Variants in KLHL15 observed in about 807,000 individuals in gnomAD.
KLHL15 encodes kelch-like protein 15.
KLHL15 carries 1 observed loss-of-function variant against 29.3 expected under a neutral mutation model. The ratio of observed to expected loss-of-function variants is 0.03; its 90% confidence interval spans 0.01 to 0.16. The LOEUF (loss-of-function observed/expected upper bound fraction) is 0.16, where lower values mean the gene tolerates loss of function less well. Ranked by LOEUF, KLHL15 falls within the 10% of genes least tolerant of loss-of-function variation. The probability of loss-of-function intolerance (pLI) is 1.00; values close to 1 mark genes in which losing one functional copy is unlikely to be tolerated. For missense variants in KLHL15, 215 were observed against 478.5 expected, an observed-to-expected ratio of 0.45 and a Z score of 5.14; for synonymous variants, 212 against 184.5, an observed-to-expected ratio of 1.15 and a Z score of -1.21.
chrX:24,025,576 T>C (rs1475431806), intron 1 of KLHL15, among the ~76,000 whole-genome samples: 1 of 107,603 alleles, frequency 9.3e-6, no homozygotes, highest in East Asian at 3.0e-4. Flanking sequence ...GGCCCCCCCC[T>C]CGGCCCCTGC....
At chrX:24,024,729 C>T (rs1186934963) in intron 2 of KLHL15, 128 bp downstream of exon 2, 4 of 295,680 alleles carry the variant, frequency 1.4e-5, no homozygotes, top group Non-Finnish European at 1.8e-5. Context: ...CGAAGACAAA[C>T]GAGGTCCCGG....
Position 23,984,199 on chromosome X carries a change from C to T in KLHL15, c.*3722G>A, listed in dbSNP as rs1479154792. 1 of 111,883 alleles carries T rather than the reference C, an allele frequency of 8.9e-6. No individual in the cohort carries two copies. The highest frequency in any genetic ancestry group is 1.9e-5 in the Non-Finnish European group (1 of 53,121). 9.2% of individuals were successfully genotyped at this position (111,883 alleles called of 1,213,427 possible). A position where few individuals can be genotyped will look rare whatever the true frequency, so the allele number is the denominator to read the frequency against. ...GCTGATGGCATTCTCCTCAATGTTACTTGTGTAATATTGAAGTTATACGGT... is the reference window on the plus strand; with the variant it reads ...GCTGATGGCATTCTCCTCAATGTTATTTGTGTAATATTGAAGTTATACGGT... On this transcript the variant is annotated 3_prime_UTR_variant, in exon 4 of 4. Coordinates refer to ENST00000328046, the MANE Select transcript of KLHL15 (RefSeq NM_030624.3).
At position 23,986,815 on chromosome X, in the gene KLHL15, G is replaced by A. The variant is rs1377676577; in HGVS notation, c.*1106C>T. On this transcript the variant is annotated 3_prime_UTR_variant, in exon 4 of 4. Transcript: ENST00000328046. ...TACCTTCCATTCAATAACAAATGCA[G>A]CAGCCTTACTGAATGTAAAAAATGG... 9.0e-6 allele frequency: 1 copy of A among 111,641 alleles called. No individual in the cohort carries two copies. The highest frequency in any genetic ancestry group is 1.9e-5 in the Non-Finnish European group (1 of 53,110). 9.2% of individuals were successfully genotyped at this position (111,641 alleles called of 1,213,427 possible).
rs1159092391 is a variant in KLHL15 at position 24,002,614 on chromosome X, T to G, written c.705+3375A>C. On this transcript the variant is annotated intron_variant, in intron 3 of 3. Transcript: ENST00000328046. ...ATTTCCTAGGCTATGTTTTTTTTTTTTTTTTGGATGGGGTGGGGTAGGGGA... is the reference window on the plus strand; with the variant it reads ...ATTTCCTAGGCTATGTTTTTTTTTTGTTTTTGGATGGGGTGGGGTAGGGGA... Among the ~76,000 whole-genome samples the G allele has an allele frequency of 5.5e-5, 6 of 109,436 alleles. No homozygotes were observed. The East Asian group carries it at 1.4e-3, about 26-fold the overall frequency.
intron 2 of KLHL15, among the ~76,000 whole-genome samples, chrX:24,019,941 T>C (rs979388144): frequency 2.7e-5 from 3 of 112,614 alleles, no homozygotes; most frequent in Non-Finnish European, 5.6e-5. Flanking sequence ...AATAATTTAT[T>C]GCTTTCACAT....
intron 3 of KLHL15, among the ~76,000 whole-genome samples, chrX:23,990,869 C>CA (rs753177942): frequency 3.0e-4 from 33 of 110,175 alleles, no homozygotes; most frequent in Non-Finnish European, 6.1e-4. Flanking sequence ...GTGGTCAAAA[C>CA]AAAAAACGTC....
intron 2 of KLHL15, among the ~76,000 whole-genome samples, chrX:24,021,386 C>T (rs775208402): frequency 3.3e-4 from 37 of 110,979 alleles, no homozygotes; most frequent in Non-Finnish European, 6.6e-4. Context: ...CCTCAAACAC[C>T]CTCTTTTAAA....
chrX:23,987,975 T>C lies in KLHL15; in HGVS notation c.1761A>G (p.Val587=). 8.3e-7 allele frequency: 1 copy of C among 1,211,090 alleles called. No homozygotes were observed. The highest frequency in any genetic ancestry group is 1.1e-6 in the Non-Finnish European group (1 of 894,885). Residue 587 remains valine, a synonymous_variant, in exon 4 of 4, where the codon GTA becomes GTG. Coordinates refer to ENST00000328046, the MANE Select transcript of KLHL15 (RefSeq NM_030624.3). ...RMPCKLDGLQ[V]CNLHFPDYVL... ...CATAGTCCGGAAAATGCAGGTTGCA[T>C]ACTTGTAAACCATCCAGCTTGCAGG...
Position 23,988,409 on chromosome X carries a change from C to T in KLHL15, c.1327G>A (p.Val443Met). 8.3e-7 allele frequency: 1 copy of T among 1,212,009 alleles called. No individual in the cohort carries two copies. The highest frequency in any genetic ancestry group is 1.1e-6 in the Non-Finnish European group (1 of 895,593). The change falls in exon 4 of 4, where the codon GTG becomes ATG. Residue 443 changes from valine (V) to methionine (M), a missense_variant. Transcript: ENST00000328046. ...TCTTTGCTGGGGTCAAACACGCACA[C>T]TTGCTTGGAGGTGGAAGATGAGGTG... Reference protein sequence around the residue: ...GITSSSTSKQVCVFDPSKEGT... With the variant: ...GITSSSTSKQMCVFDPSKEGT...
In KLHL15 at chrX:23,988,770, A is replaced by C. The variant is rs1297896577; in HGVS notation, c.966T>G (p.Leu322=). Residue 322 remains leucine, a synonymous_variant, in exon 4 of 4, where the codon CTT becomes CTG. Transcript: ENST00000328046. Reference sequence around the variant, plus strand: ...GGAACACAAAATTATTGACGATAGCAAGGCAGTCAGGTCGCAGAGGTACTT... The same window carrying C: ...GGAACACAAAATTATTGACGATAGCCAGGCAGTCAGGTCGCAGAGGTACTT... The part of the protein sequence containing the change: ...GPQVPLRPDC[L]AIVNNFVFLL... 4 of 1,210,088 alleles carry C rather than the reference A, an allele frequency of 3.3e-6. No homozygotes were observed. In the African/African-American group the frequency reaches 7.0e-5, roughly 21 times the overall value.
intron 2 of KLHL15, among the ~76,000 whole-genome samples, chrX:24,011,565 A>G (rs1258734300): frequency 9.0e-6 from 1 of 111,721 alleles, no homozygotes; most frequent in Non-Finnish European, 1.9e-5. Context: ...AATTGCTTGA[A>G]CCTGGGAGCT....
At chrX:24,000,457 C>T (rs1366398219) in intron 3 of KLHL15, among the ~76,000 whole-genome samples, 2 of 107,476 alleles carry the variant, frequency 1.9e-5, no homozygotes, top group Non-Finnish European at 3.8e-5. Flanking sequence ...TGTGAGACTC[C>T]ATCTCAAAAT....
chrX:23,986,878 T>G lies in KLHL15; in HGVS notation c.*1043A>C, dbSNP rs1928995608. 9.0e-6 allele frequency: 1 copy of G among 111,467 alleles called. No individual in the cohort carries two copies. Among genetic ancestry groups the G allele is most frequent in the African/African-American group, 3.3e-5 (1 of 30,678 alleles). 9.2% of individuals were successfully genotyped at this position (111,467 alleles called of 1,213,427 possible). A position where few individuals can be genotyped will look rare whatever the true frequency, so the allele number is the denominator to read the frequency against. On this transcript the variant is annotated 3_prime_UTR_variant, in exon 4 of 4. Coordinates refer to ENST00000328046, the MANE Select transcript of KLHL15 (RefSeq NM_030624.3). ...CTTTTAAGGGGCCTTGATTTAGGAG[T>G]CTGGTATTACCTAAATGCTCTTTAA... is the stretch of plus-strand genomic sequence containing the variant.
chrX:23,983,832 A>G lies in KLHL15; in HGVS notation c.*4089T>C, dbSNP rs1237585363. On this transcript the variant is annotated 3_prime_UTR_variant, in exon 4 of 4. Coordinates refer to ENST00000328046, the MANE Select transcript of KLHL15 (RefSeq NM_030624.3). ...AAACATGTTTGAATAGATTATATCC[A>G]CGGCTTGGGAAAAATTACCTGACAA... The G allele has an allele frequency of 8.9e-6, 1 of 112,151 alleles. No homozygotes were observed. The highest frequency in any genetic ancestry group is 2.8e-4 in the East Asian group (1 of 3,626). 9.2% of individuals were successfully genotyped at this position (112,151 alleles called of 1,213,427 possible).
chrX:23,996,599 GT>G (rs966046319), intron 3 of KLHL15, among the ~76,000 whole-genome samples: 6 of 111,327 alleles, frequency 5.4e-5, no homozygotes, highest in Non-Finnish European at 9.4e-5. Flanking sequence ...GGAGGCAGAG[GT>G]TGCAGTGAGC....
At chrX:23,995,407 A>C (rs1929167638) in intron 3 of KLHL15, among the ~76,000 whole-genome samples, 1 of 53,117 alleles carries the variant, frequency 1.9e-5, no homozygotes, top group Admixed American at 2.1e-4. Flanking sequence ...ACTCTGTCTC[A>C]AAAAAAAAAA....
At chrX:24,016,106 T>C (rs1929673245) in intron 2 of KLHL15, among the ~76,000 whole-genome samples, 1 of 108,103 alleles carries the variant, frequency 9.3e-6, no homozygotes, top group African/African-American at 3.4e-5. Context: ...CTCAGCACTT[T>C]GGGAGGCCAA....
At chrX:24,003,630 T>C (rs1929380375) in intron 3 of KLHL15, among the ~76,000 whole-genome samples, 1 of 93,368 alleles carries the variant, frequency 1.1e-5, no homozygotes, top group South Asian at 6.8e-4. Context: ...ACTTAGTACA[T>C]GACCTAGCAT....
rs1307830262 is a variant in KLHL15 at position 24,006,634 on chromosome X, C to T, written c.60G>A (p.Gly20=). The T allele has an allele frequency of 1.7e-6, 2 of 1,208,879 alleles. No homozygotes were observed. Among genetic ancestry groups the T allele is most frequent in the African/African-American group, 3.5e-5 (2 of 56,991 alleles). ...SSIHDTSVSA[G]FRALYEEGLL... ...ATCCCTCCTCATACAGTGCTCTGAA[C>T]CCAGCAGAGACACTGGTGTCGTGGA... Residue 20 remains glycine (G), a synonymous_variant, in exon 3 of 4, where the codon GGG becomes GGA. Coordinates refer to ENST00000328046, the MANE Select transcript of KLHL15 (RefSeq NM_030624.3).
Sources: allele counts gnomAD v4.1 joint callset (sites outside exome capture counted in the v4.1 genomes callset), GRCh38; gene constraint gnomAD v4.1.1; transcripts MANE v1.5; gene names NCBI Gene and HGNC (gene_info 2026-07-23, HGNC 2026-07-21).